CELF4: variants seen among roughly 807,000 people sequenced by gnomAD.
The protein encoded by CELF4 is CUG-BP- and ETR-3-like factor 4.
A neutral mutation model predicts 59.9 loss-of-function variants in CELF4; 18 were observed. The ratio of observed to expected loss-of-function variants is 0.30; its 90% CI spans 0.21 to 0.45. The LOEUF (loss-of-function observed/expected upper bound fraction) is 0.45, where lower values mean the gene tolerates loss of function less well. Among genes scored for constraint, CELF4 ranks in the 20% least tolerant of loss-of-function variants. The pLI is 1.00. For missense variants in CELF4, 456 were observed against 689.0 expected (o/e 0.66, Z 3.79); for synonymous variants, 261 against 267.1 (o/e 0.98, Z 0.22).
chr18:37,480,088 G>A (rs557766461), intron 2 of CELF4, among the ~76,000 whole-genome samples: 8 of 152,310 alleles, frequency 5.3e-5, no homozygotes, highest in African/African-American at 7.2e-5. Flanking sequence ...CCAGAACTGC[G>A]AGACAATACA....
chr18:37,307,146 GT>G (rs2096456154), intron 3 of CELF4, among the ~76,000 whole-genome samples: 1 of 152,148 alleles, frequency 6.6e-6, no homozygotes, highest in Non-Finnish European at 1.5e-5. Context: ...TCCCAGCCTG[GT>G]TGTCCCCCAG....
intron 6 of CELF4, chr18:37,273,924 G>A: frequency 9.4e-7 from 1 of 1,058,364 alleles, no homozygotes; most frequent in East Asian, 1.0e-4. Flanking sequence ...CAGAAGGCCT[G>A]AAGTCACCGT....
At chr18:37,379,417 C>T (rs187813506) in intron 2 of CELF4, among the ~76,000 whole-genome samples, 491 of 135,172 alleles carry the variant, frequency 3.6e-3, no homozygotes, top group Non-Finnish European at 5.6e-3. Context: ...ATGCTGGCTG[C>T]CTTTTGTAGG....
chr18:37,337,578 C>T (rs144982441), intron 2 of CELF4, among the ~76,000 whole-genome samples: 16 of 152,164 alleles, frequency 1.1e-4, no homozygotes, highest in Admixed American at 5.9e-4. Context: ...GGAGGGCCTG[C>T]GGAGGAAATG....
chr18:37,517,720 C>T (rs576573747), intron 1 of CELF4, among the ~76,000 whole-genome samples: 14 of 152,158 alleles, frequency 9.2e-5, no homozygotes, highest in African/African-American at 2.9e-4. Context: ...GGTGGGTGTC[C>T]GATGAGGCAC....
chr18:37,411,449 CTG>C (rs1173016687), intron 2 of CELF4, among the ~76,000 whole-genome samples: 1 of 151,902 alleles, frequency 6.6e-6, no homozygotes, highest in African/African-American at 2.4e-5. Flanking sequence ...CCATGGGTAT[CTG>C]TGTATGTGTG....
intron 11 of CELF4, among the ~76,000 whole-genome samples, chr18:37,258,323 C>CCTCTCA (rs2071554365): frequency 6.6e-6 from 1 of 151,214 alleles, no homozygotes; most frequent in East Asian, 2.0e-4. Context: ...GCCTGGTCTC[C>CCTCTCA]CTCTCACTGT....
At chr18:37,408,082 G>C (rs1249466883) in intron 2 of CELF4, among the ~76,000 whole-genome samples, 1 of 152,188 alleles carries the variant, frequency 6.6e-6, no homozygotes, top group Non-Finnish European at 1.5e-5. Flanking sequence ...GCAGAAAGTG[G>C]AATTTGGAAT....
intron 2 of CELF4, among the ~76,000 whole-genome samples, chr18:37,349,956 C>T (rs773442133): frequency 2.6e-5 from 4 of 152,106 alleles, no homozygotes; most frequent in Non-Finnish European, 5.9e-5. Flanking sequence ...GGTGGCCCCT[C>T]GATCACATGC....
chr18:37,358,443 C>T (rs2098641394), intron 2 of CELF4, among the ~76,000 whole-genome samples: 1 of 152,146 alleles, frequency 6.6e-6, no homozygotes, highest in Non-Finnish European at 1.5e-5. Flanking sequence ...TTGTAAATTG[C>T]CCAGGCTCAG....
At chr18:37,420,477 G>A (rs1169839781) in intron 2 of CELF4, among the ~76,000 whole-genome samples, 3 of 152,178 alleles carry the variant, frequency 2.0e-5, no homozygotes, top group Non-Finnish European at 4.4e-5. Flanking sequence ...ACTGGGTGGC[G>A]AGAGAGGGAA....
chr18:37,534,288 G>A (rs2099971767), intron 1 of CELF4, among the ~76,000 whole-genome samples: 1 of 152,110 alleles, frequency 6.6e-6, no homozygotes, highest in Non-Finnish European at 1.5e-5. Context: ...ACTGGGTGCT[G>A]GGGAGGGGGA....
chr18:37,565,647 A>T lies in CELF4; in HGVS notation c.-6T>A. Reference sequence around the variant, plus strand: ...GTGGCCATCTTTATATACATAGAGAAAATCTTCTTTCCTTTTATTCTTTCT... The same window carrying T: ...GTGGCCATCTTTATATACATAGAGATAATCTTCTTTCCTTTTATTCTTTCT... On this transcript the variant is annotated 5_prime_UTR_variant, in exon 1 of 13. Transcript: ENST00000420428. 2 of 1,573,058 alleles carry T rather than the reference A, an allele frequency of 1.3e-6. No homozygotes were observed. The highest frequency in any genetic ancestry group is 1.9e-5 in the Admixed American group (1 of 53,502).
At chr18:37,312,316 CCTGGCCAGTTGCTAAT>C (rs1260029184) in intron 3 of CELF4, among the ~76,000 whole-genome samples, 2 of 152,058 alleles carry the variant, frequency 1.3e-5, no homozygotes, top group Non-Finnish European at 2.9e-5. Context: ...AGCAGCTGGG[CCTGGCCAGTTGCTAAT>C]CTGGCCAGTT....
intron 1 of CELF4, among the ~76,000 whole-genome samples, chr18:37,520,065 C>T (rs2099955561): frequency 6.6e-6 from 1 of 152,180 alleles, no homozygotes; most frequent in Non-Finnish European, 1.5e-5. Flanking sequence ...GCTTGCATTA[C>T]CCAAGCAAGG....
intron 2 of CELF4, among the ~76,000 whole-genome samples, chr18:37,346,599 G>A (rs1425279025): frequency 6.6e-6 from 1 of 152,216 alleles, no homozygotes; most frequent in Non-Finnish European, 1.5e-5. Flanking sequence ...GGAAAGTGCT[G>A]CTGGAACCAG....
chr18:37,521,841 A>G, intron 1 of CELF4, among the ~76,000 whole-genome samples: 1 of 152,218 alleles, frequency 6.6e-6, no homozygotes, highest in Non-Finnish European at 1.5e-5. Context: ...TGACAGTCAC[A>G]GAGAGCAGGG....
intron 3 of CELF4, chr18:37,305,444 C>G (rs528097650): frequency 6.6e-6 from 1 of 152,462 alleles, no homozygotes; most frequent in Admixed American, 6.5e-5. Flanking sequence ...GGATAGAAAA[C>G]TAGGGTGTAG....
At chr18:37,350,259 C>A (rs1422177543) in intron 2 of CELF4, among the ~76,000 whole-genome samples, 1 of 152,194 alleles carries the variant, frequency 6.6e-6, no homozygotes, top group African/African-American at 2.4e-5. Flanking sequence ...ACGACCAAGA[C>A]TTTCTACGTG....
Sources: gnomAD v4.1 joint callset for allele counts (sites outside exome capture counted in the v4.1 genomes callset) on GRCh38, gnomAD v4.1.1 for gene constraint, MANE v1.5 for transcripts, NCBI Gene and HGNC (gene_info 2026-07-23, HGNC 2026-07-21) for gene names.